ALOX5: variants seen among roughly 807,000 people sequenced by gnomAD.
ALOX5 encodes the protein arachidonate 5-lipoxygenase.
ALOX5 carries 64 observed loss-of-function variants against 87.9 expected under a neutral mutation model. The ratio of observed to expected loss-of-function variants is 0.73; its 90% confidence interval spans 0.60 to 0.90. The LOEUF (loss-of-function observed/expected upper bound fraction) is 0.90, where lower values mean the gene tolerates loss of function less well. Ranked by LOEUF, ALOX5 falls within the 40% of genes least tolerant of loss-of-function variation. The pLI is 0.00. For synonymous variants in ALOX5, 388 were observed against 355.1 expected (o/e 1.09, Z -1.04); for missense variants, 822 against 907.5 (o/e 0.91, Z 1.21).
At chr10:45,381,405 A>G (rs976967180) in intron 1 of ALOX5, among the ~76,000 whole-genome samples, 1 of 152,220 alleles carries the variant, frequency 6.6e-6, no homozygotes, top group African/African-American at 2.4e-5. Flanking sequence ...TGAAAACTGG[A>G]AAGAGAGGAA....
Position 45,382,724 on chromosome 10 carries a change from C to T in ALOX5, c.349+43C>T, listed in dbSNP as rs377688105. Reference sequence around the variant, plus strand: ...CTTCTGCCCCGGGCTTCCCAAGAACCGAAAGTTCTTCCTGTCCTCAAAGCA... The same window carrying T: ...CTTCTGCCCCGGGCTTCCCAAGAACTGAAAGTTCTTCCTGTCCTCAAAGCA... On this transcript the variant is annotated intron_variant, in intron 2 of 13. Transcript: ENST00000374391. 8.8e-4 allele frequency: 1,389 copies of T among 1,575,606 alleles called. 3 individuals carry two copies. Among genetic ancestry groups the T allele is most frequent in the Non-Finnish European group, 1.1e-3 (1,251 of 1,159,308 alleles).
intron 2 of ALOX5, among the ~76,000 whole-genome samples, chr10:45,389,223 T>G (rs183620302): frequency 6.6e-5 from 10 of 152,302 alleles, no homozygotes; most frequent in African/African-American, 2.2e-4. Context: ...CTGATTGGTG[T>G]ACCTGAAAGT....
At chr10:45,428,404 C>T (rs757844031) in intron 6 of ALOX5, 58 of 583,404 alleles carry the variant, frequency 9.9e-5, no homozygotes, top group Non-Finnish European at 1.4e-4. Context: ...GAGCTGCTGC[C>T]ATTCCTTCAT....
rs528585304 is a variant in ALOX5, at chr10:45,420,204, T to C, written c.555-3837T>C. On this transcript the variant is annotated intron_variant, in intron 4 of 13. Coordinates refer to ENST00000374391, the MANE Select transcript of ALOX5 (RefSeq NM_000698.5). The stretch of plus-strand genomic sequence containing the variant: ...TATTAACTGATGCCTATAAAACATA[T>C]TGACTTTCATTAAATTTTGTTATGA... 9.8e-5 allele frequency among the ~76,000 whole-genome samples: 15 copies of C among 152,298 alleles called. No homozygotes were observed. The East Asian group carries it at 1.2e-3, about 12-fold the overall frequency.
At chr10:45,380,377 G>T (rs548954665) in intron 1 of ALOX5, among the ~76,000 whole-genome samples, 65 of 152,324 alleles carry the variant, frequency 4.3e-4, no homozygotes, top group Non-Finnish European at 2.8e-4. Flanking sequence ...TCCGCTTTCT[G>T]ACCACAAGCG....
intron 10 of ALOX5, 61 bp downstream of exon 10, chr10:45,443,277 G>A: frequency 1.3e-6 from 2 of 1,587,790 alleles, no homozygotes; most frequent in Non-Finnish European, 1.7e-6. Flanking sequence ...TGACTACCTG[G>A]GGCGGGCCTG....
chr10:45,395,985 A>G (rs373744537), intron 3 of ALOX5, 49 bp downstream of exon 3: 687 of 1,565,656 alleles, frequency 4.4e-4, no homozygotes, highest in Non-Finnish European at 5.5e-4. Flanking sequence ...GGTTTCTTCT[A>G]TCTCAAGAGC....
intron 1 of ALOX5, among the ~76,000 whole-genome samples, chr10:45,381,920 G>A (rs1392870271): frequency 1.3e-5 from 2 of 152,244 alleles, no homozygotes; most frequent in African/African-American, 4.8e-5. Flanking sequence ...AACTGTAGTG[G>A]AGGCAAAACT....
intron 2 of ALOX5, among the ~76,000 whole-genome samples, chr10:45,394,997 T>C (rs7895552): frequency 0.7 from 105,819 of 152,096 alleles, 37,434 homozygotes; most frequent in East Asian, 0.86. Flanking sequence ...AACACTTTTA[T>C]ACTGTTGGTG....
intron 8 of ALOX5, 45 bp from the exon 9 acceptor site, chr10:45,441,299 A>G (rs760119499): frequency 6.4e-7 from 1 of 1,571,770 alleles, no homozygotes; most frequent in Non-Finnish European, 8.7e-7. Context: ...GCACCAGGTC[A>G]CCTGACTGGG....
intron 2 of ALOX5, among the ~76,000 whole-genome samples, chr10:45,391,877 G>A (rs192356207): frequency 0.028 from 3,266 of 116,504 alleles, 128 homozygotes; most frequent in African/African-American, 0.092. Flanking sequence ...GAGCCCCTCC[G>A]CCCGGCAGCC....
chr10:45,391,051 CCCCTCT>C (rs1304136754), intron 2 of ALOX5, among the ~76,000 whole-genome samples: 2 of 93,164 alleles, frequency 2.1e-5, no homozygotes, highest in Admixed American at 1.1e-4. Flanking sequence ...TCTCCCCTCT[CCCCTCT>C]CCCTCTCCCT....
chr10:45,394,697 A>T (rs1215041635), intron 2 of ALOX5, among the ~76,000 whole-genome samples: 1 of 152,242 alleles, frequency 6.6e-6, no homozygotes, highest in Non-Finnish European at 1.5e-5. Context: ...AAATTTTGCA[A>T]TCTACTCATC....
intron 7 of ALOX5, among the ~76,000 whole-genome samples, chr10:45,430,974 C>G (rs990365196): frequency 1.3e-5 from 2 of 152,122 alleles, no homozygotes; most frequent in African/African-American, 2.4e-5. Context: ...TAAAAGAAAA[C>G]TAAAGGTGAT....
In ALOX5 at chr10:45,395,594, T is replaced by C. The variant is rs180951060; in HGVS notation, c.350-261T>C. On this transcript the variant is annotated intron_variant, in intron 2 of 13. Transcript: ENST00000374391. ...ACGTTGTGCACATGTATCCTAGAAC[T>C]TAAAGTAGAATTAAAAAAAAAAAAA... Among the ~76,000 whole-genome samples the C allele has an allele frequency of 1.5e-3, 197 of 129,410 alleles. 1 individual carries two copies. Among genetic ancestry groups the C allele is most frequent in the African/African-American group, 5.9e-3 (190 of 32,138 alleles). The allele number at this position is 129,410 out of a possible 152,430, so 84.9% of individuals were successfully genotyped here. A position where few individuals can be genotyped will look rare whatever the true frequency, so the allele number is the denominator to read the frequency against.
chr10:45,401,941 GCCGGGCGTGGTGGCGGGCGC>G (rs968250706), intron 3 of ALOX5, among the ~76,000 whole-genome samples: 2 of 152,002 alleles, frequency 1.3e-5, no homozygotes, highest in Admixed American at 1.3e-4. Context: ...CAAAAAATTA[GCCGGGCGTGGTGGCGGGCGC>G]CTGTAGTCCC....
intron 12 of ALOX5, 65 bp from the exon 13 acceptor site, chr10:45,444,051 C>T (rs1277189980): frequency 1.5e-5 from 22 of 1,483,694 alleles, no homozygotes; most frequent in Non-Finnish European, 1.9e-5. Flanking sequence ...GAGGACGGGG[C>T]CCAGGGGGCA....
In ALOX5 at chr10:45,389,611, A is replaced by G. The variant is rs1431013788; in HGVS notation, c.350-6244A>G. On this transcript the variant is annotated intron_variant, in intron 2 of 13. Coordinates refer to ENST00000374391, the MANE Select transcript of ALOX5 (RefSeq NM_000698.5). ...CCAAACTAAGCTTCATAAGTGAAGG[A>G]GAAATAAAATCCTTTACAGACAAGC... is the stretch of plus-strand genomic sequence containing the variant. Among the ~76,000 whole-genome samples the G allele has an allele frequency of 3.9e-5, 6 of 152,316 alleles. No individual in the cohort carries two copies. The East Asian group carries it at 1.2e-3, about 29-fold the overall frequency.
At chr10:45,406,531 C>G (rs1317174983) in intron 3 of ALOX5, among the ~76,000 whole-genome samples, 1 of 152,244 alleles carries the variant, frequency 6.6e-6, no homozygotes, top group Non-Finnish European at 1.5e-5. Flanking sequence ...TTCCACCTCT[C>G]TAGATCCTGT....
Sources: allele counts gnomAD v4.1 joint callset (sites outside exome capture counted in the v4.1 genomes callset), GRCh38; gene constraint gnomAD v4.1.1; transcripts MANE v1.5; gene names NCBI Gene and HGNC (gene_info 2026-07-23, HGNC 2026-07-21).